FGFR1: variants seen among roughly 807,000 people sequenced by gnomAD.
The protein encoded by FGFR1 is fibroblast growth factor receptor 1.
A neutral mutation model predicts 93.7 loss-of-function variants in FGFR1; 18 were observed. The observed-to-expected ratio is 0.19, with a 90% confidence interval of 0.13 to 0.28. The LOEUF is 0.28. Among genes scored for constraint, FGFR1 ranks in the 10% least tolerant of loss-of-function variants. The probability of loss-of-function intolerance (pLI) is 1.00; values close to 1 mark genes in which losing one functional copy is unlikely to be tolerated. For synonymous variants in FGFR1, 448 were observed against 429.3 expected, an observed-to-expected ratio of 1.04 and a Z score of -0.54; for missense variants, 731 against 1,080.4, an observed-to-expected ratio of 0.68 and a Z score of 4.53.
rs539815580 is a variant in FGFR1, at chr8:38,411,698, G to A, written c.*1930C>T. ...GTGGTAGTTTGAGCCATGAGGTACG[G>A]GGGAGCCAGAATCCACTTAGTGAGG... On this transcript the variant is annotated 3_prime_UTR_variant, in exon 18 of 18. Transcript: ENST00000447712. 3 of 230,948 alleles carry A rather than the reference G, an allele frequency of 1.3e-5. No individual in the cohort carries two copies. The highest frequency in any genetic ancestry group is 2.2e-5 in the African/African-American group (1 of 45,282). The allele number at this position is 230,948 out of a possible 1,614,324, so 14.3% of individuals were successfully genotyped here.
chr8:38,424,383 G>T lies in FGFR1; in HGVS notation c.936+126C>A. 1.0e-6 allele frequency: 1 copy of T among 971,218 alleles called. No homozygotes were observed. Among genetic ancestry groups the T allele is most frequent in the Non-Finnish European group, 1.6e-6 (1 of 609,356 alleles). 60.2% of individuals were successfully genotyped at this position (971,218 alleles called of 1,614,324 possible). A position where few individuals can be genotyped will look rare whatever the true frequency, so the allele number is the denominator to read the frequency against. ...CTAGATCCCTACTGAGATGGAGTGT[G>T]TGTGCCTGAAGCGTGAGGAATGATC... On this transcript the variant is annotated intron_variant, in intron 7 of 17. Coordinates refer to ENST00000447712, the MANE Select transcript of FGFR1 (RefSeq NM_023110.3). This position sits in a 1 kb window ranked among gnomAD's most constrained non-coding sequence, Gnocchi z 4.3.
chr8:38,450,945 T>G (rs1830869771), intron 2 of FGFR1, among the ~76,000 whole-genome samples: 1 of 152,120 alleles, frequency 6.6e-6, no homozygotes, highest in Non-Finnish European at 1.5e-5. Flanking sequence ...GGCCGAGGGC[T>G]GGGTCCTCCC....
chr8:38,423,230 G>C, intron 7 of FGFR1: 1 of 765,974 alleles, frequency 1.3e-6, no homozygotes, highest in East Asian at 2.5e-5. Flanking sequence ...ATGTGGCCAC[G>C]CACGTTGCTC....
rs775639031 is a variant in FGFR1, at chr8:38,422,253, G to A, written c.937-312C>T. ...AGCGGCATGGAGAAATGGGGCCGGC[G>A]GGCAGGGGCTGTTTGGTTTCAGGTA... On this transcript the variant is annotated intron_variant, in intron 7 of 17. Transcript: ENST00000447712. 1.7e-5 allele frequency: 8 copies of A among 475,268 alleles called. 1 individual carries two copies. Among genetic ancestry groups the A allele is most frequent in the South Asian group, 8.4e-5 (4 of 47,852 alleles). The allele number at this position is 475,268 out of a possible 1,614,324, so 29.4% of individuals were successfully genotyped here.
intron 2 of FGFR1, among the ~76,000 whole-genome samples, chr8:38,433,802 T>G (rs762157250): frequency 8.5e-5 from 13 of 152,244 alleles, no homozygotes; most frequent in Non-Finnish European, 2.9e-5. Flanking sequence ...TGCTGTAATA[T>G]TCATCCATTT....
chr8:38,414,952 A>C, intron 13 of FGFR1, 51 bp from the exon 14 acceptor site: 1 of 1,553,364 alleles, frequency 6.4e-7, no homozygotes, highest in Non-Finnish European at 8.8e-7. Context: ...GGGAGCTGGA[A>C]GGCTCTGGGC....
At chr8:38,462,785 G>T (rs1834700954) in intron 1 of FGFR1, among the ~76,000 whole-genome samples, 1 of 151,326 alleles carries the variant, frequency 6.6e-6, no homozygotes, top group South Asian at 2.1e-4. Context: ...TTTATTTTTA[G>T]TAGAAATAGG....
intron 2 of FGFR1, among the ~76,000 whole-genome samples, chr8:38,436,553 G>T (rs1586494000): frequency 6.6e-6 from 1 of 152,112 alleles, no homozygotes; most frequent in South Asian, 2.1e-4. Flanking sequence ...CAAAGCAGCT[G>T]GCGGGTGGAC....
intron 2 of FGFR1, among the ~76,000 whole-genome samples, chr8:38,454,973 C>CTTTTT (rs11434747): frequency 4.5e-5 from 5 of 111,158 alleles, no homozygotes; most frequent in African/African-American, 6.9e-5. Flanking sequence ...TCTTTTCTTG[C>CTTTTT]TTTTTTTTTT....
intron 8 of FGFR1, 110 bp downstream of exon 8, chr8:38,421,687 C>A: frequency 1.7e-6 from 2 of 1,146,804 alleles, no homozygotes; most frequent in Non-Finnish European, 2.6e-6. Flanking sequence ...CAGGCAGGAG[C>A]CCATTCTTCC....
rs569627763 is a variant in FGFR1 at position 38,459,096 on chromosome 8, G to C, written c.-88-1562C>G. 6.1e-5 allele frequency: 14 copies of C among 228,816 alleles called. No homozygotes were observed. The South Asian group carries it at 2.2e-3, about 36-fold the overall frequency. 14.2% of individuals were successfully genotyped at this position (228,816 alleles called of 1,614,324 possible). A position where few individuals can be genotyped will look rare whatever the true frequency, so the allele number is the denominator to read the frequency against. ...GTGGGGTAAAACTTAAAACTCCCCA[G>C]GGTCTTAAAGAACGGATCATAGCTG... On this transcript the variant is annotated intron_variant, in intron 1 of 17. Transcript: ENST00000447712.
In FGFR1 at chr8:38,413,873, C is replaced by A. The variant is rs1303283772; in HGVS notation, c.2292+45G>T. The stretch of plus-strand genomic sequence containing the variant: ...CCCTGCTCAGGGAGGTGCGTGCACG[C>A]AGTGGGGACGGCCTGAGCTCTGGCT... On this transcript the variant is annotated intron_variant, in intron 17 of 17. Transcript: ENST00000447712. The surrounding 1 kb of genome is among the most constrained non-coding windows in gnomAD (Gnocchi z 4.2). 1 of 1,613,444 alleles carries A rather than the reference C, an allele frequency of 6.2e-7. No homozygotes were observed. The highest frequency in any genetic ancestry group is 8.5e-7 in the Non-Finnish European group (1 of 1,179,576).
At chr8:38,428,198 C>T in intron 4 of FGFR1, 105 bp from the exon 5 acceptor site, 1 of 1,532,316 alleles carries the variant, frequency 6.5e-7, no homozygotes, top group Non-Finnish European at 9.0e-7. Flanking sequence ...GCCCATCTGC[C>T]CAACACCTGT....
At chr8:38,461,307 G>C (rs762844890) in intron 1 of FGFR1, 1 of 593,566 alleles carries the variant, frequency 1.7e-6, no homozygotes. Flanking sequence ...AATTATGTAA[G>C]GAAAACTAGC....
In FGFR1 at chr8:38,426,088, A is replaced by C. The variant is rs765220127; in HGVS notation, c.745+34T>G. The C allele has an allele frequency of 6.2e-7, 1 of 1,613,766 alleles. No homozygotes were observed. Among genetic ancestry groups the C allele is most frequent in the South Asian group, 1.1e-5 (1 of 91,062 alleles). ...TTCTCCAAGCCTGGCTCTTCCCACTAAACTCATTCCTCCTGCTGCCTCTGC... is the reference window on the plus strand; with the variant it reads ...TTCTCCAAGCCTGGCTCTTCCCACTCAACTCATTCCTCCTGCTGCCTCTGC... On this transcript the variant is annotated intron_variant, in intron 6 of 17. Coordinates refer to ENST00000447712, the MANE Select transcript of FGFR1 (RefSeq NM_023110.3). The surrounding 1 kb of genome is among the most constrained non-coding windows in gnomAD (Gnocchi z 4.1).
At position 38,424,611 on chromosome 8, in the gene FGFR1, C is replaced by T. The variant is rs567951902; in HGVS notation, c.834G>A (p.Lys278=). The stretch of plus-strand genomic sequence containing the variant: ...TGTGCGGCTGCGGGTCACTGTACAC[C>T]TTACACATGAACTCCACGTTGCTAC... ...ALGSNVEFMC[K]VYSDPQPHIQ... Residue 278 remains lysine (K), a synonymous_variant, in exon 7 of 18, where the codon AAG becomes AAA. Transcript: ENST00000447712. This position sits in a 1 kb window ranked among gnomAD's most constrained non-coding sequence, Gnocchi z 4.3. 1.2e-6 allele frequency: 2 copies of T among 1,614,212 alleles called. No individual in the cohort carries two copies. The highest frequency in any genetic ancestry group is 1.3e-5 in the African/African-American group (1 of 75,058).
intron 13 of FGFR1, 36 bp from the exon 14 acceptor site, chr8:38,414,937 G>A: frequency 3.1e-6 from 5 of 1,593,124 alleles, no homozygotes; most frequent in Non-Finnish European, 4.3e-6. Flanking sequence ...GAGGCGGGGA[G>A]GTGAGGGAGC....
intron 2 of FGFR1, among the ~76,000 whole-genome samples, chr8:38,445,062 C>T (rs1369194579): frequency 2.0e-5 from 3 of 152,160 alleles, no homozygotes; most frequent in African/African-American, 7.2e-5. Context: ...AGAAGGCTGA[C>T]TGACCCTGTC....
chr8:38,461,227 G>T, intron 1 of FGFR1: 1 of 1,152,754 alleles, frequency 8.7e-7, no homozygotes, highest in South Asian at 1.5e-5. Context: ...GGGCTGGACG[G>T]ACCACGTGAC....
Sources: gnomAD v4.1 joint callset for allele counts (sites outside exome capture counted in the v4.1 genomes callset) on GRCh38, gnomAD v4.1.1 for gene constraint, Gnocchi (gnomAD v3.1) non-coding constraint, MANE v1.5 for transcripts, NCBI Gene and HGNC (gene_info 2026-07-23, HGNC 2026-07-21) for gene names.